The following GXYLT1 variants were observed in gnomAD, a reference collection of about 807,000 sequenced individuals.
GXYLT1 encodes the protein glycosyltransferase 8 domain containing 3.
Under a neutral mutation model 54.0 loss-of-function variants are expected in GXYLT1, and 29 were observed. The ratio of observed to expected loss-of-function variants is 0.54; its 90% CI spans 0.40 to 0.73. GXYLT1 has a LOEUF of 0.73. Among genes scored for constraint, GXYLT1 ranks in the 30% least tolerant of loss-of-function variants. The pLI is 0.00. For synonymous variants in GXYLT1, 176 were observed against 204.1 expected, an observed-to-expected ratio of 0.86 and a Z score of 1.17; for missense variants, 490 against 553.4, an observed-to-expected ratio of 0.89 and a Z score of 1.15.
At chr12:42,096,377 A>C (rs1281942293) in intron 7 of GXYLT1, among the ~76,000 whole-genome samples, 1 of 152,194 alleles carries the variant, frequency 6.6e-6, no homozygotes, top group African/African-American at 2.4e-5. Flanking sequence ...GTACTCAAAA[A>C]AAGTGATGAG....
intron 7 of GXYLT1, among the ~76,000 whole-genome samples, chr12:42,093,920 A>C (rs2065341929): frequency 6.6e-6 from 1 of 152,198 alleles, no homozygotes; most frequent in Admixed American, 6.5e-5. Context: ...TTCCTCACCC[A>C]ATACAAAAGA....
chr12:42,097,732 T>C, intron 6 of GXYLT1, 118 bp from the exon 7 acceptor site: 1 of 1,107,116 alleles, frequency 9.0e-7, no homozygotes, highest in Non-Finnish European at 1.3e-6. Flanking sequence ...ATGAAAAATG[T>C]CTGGCATTTA....
At chr12:42,122,050 T>C (rs1454285459) in intron 2 of GXYLT1, among the ~76,000 whole-genome samples, 3 of 152,198 alleles carry the variant, frequency 2.0e-5, no homozygotes, top group Non-Finnish European at 2.9e-5. Flanking sequence ...AATGGCGGAA[T>C]CTTGCCAGGG....
chr12:42,137,490 A>G (rs986136368), intron 1 of GXYLT1, among the ~76,000 whole-genome samples: 4 of 134,258 alleles, frequency 3.0e-5, no homozygotes, highest in African/African-American at 8.3e-5. Flanking sequence ...CCTGGGCGAC[A>G]GAGCATCTGT....
rs950197600 is a variant in GXYLT1 at position 42,132,700 on chromosome 12, A to G, written c.222-2849T>C. Among the ~76,000 whole-genome samples the G allele has an allele frequency of 2.0e-5, 3 of 152,310 alleles. No individual in the cohort carries two copies. The South Asian group carries it at 6.2e-4, about 32-fold the overall frequency. On this transcript the variant is annotated intron_variant, in intron 1 of 7. Coordinates refer to ENST00000398675, the MANE Select transcript of GXYLT1 (RefSeq NM_173601.2). ...CACCTCAAACTCCCTGTTCTCAGGA[A>G]ATATCCACCAGGGAGCTTCTAACTC... is the stretch of plus-strand genomic sequence containing the variant.
chr12:42,117,254 T>A (rs754393142), intron 3 of GXYLT1, among the ~76,000 whole-genome samples: 1 of 151,794 alleles, frequency 6.6e-6, no homozygotes, highest in African/African-American at 2.4e-5. Context: ...ATCATGCACA[T>A]GTACCCTAAA....
At chr12:42,100,549 T>A (rs1038707570) in intron 5 of GXYLT1, among the ~76,000 whole-genome samples, 39 of 151,442 alleles carry the variant, frequency 2.6e-4, no homozygotes, top group Non-Finnish European at 7.4e-5. Context: ...AAGGCCAGAA[T>A]TCATGAAAAA....
intron 1 of GXYLT1, among the ~76,000 whole-genome samples, chr12:42,136,223 CAA>C (rs1227016768): frequency 2.6e-5 from 4 of 152,138 alleles, no homozygotes; most frequent in African/African-American, 9.7e-5. Context: ...TTAGCAAAAG[CAA>C]CTCATCTGAA....
intron 3 of GXYLT1, among the ~76,000 whole-genome samples, chr12:42,116,438 A>G (rs1404794013): frequency 6.6e-6 from 1 of 152,226 alleles, no homozygotes; most frequent in Non-Finnish European, 1.5e-5. Flanking sequence ...TTTACAAGAA[A>G]AAAACAACCC....
rs1010950859 is a variant in GXYLT1 at position 42,084,795 on chromosome 12, T to C, written c.*2991A>G. The C allele has an allele frequency of 1.3e-5, 2 of 151,552 alleles. No individual in the cohort carries two copies. Among genetic ancestry groups the C allele is most frequent in the Non-Finnish European group, 1.5e-5 (1 of 67,830 alleles). The allele number at this position is 151,552 out of a possible 1,614,324, so 9.4% of individuals were successfully genotyped here. On this transcript the variant is annotated 3_prime_UTR_variant, in exon 8 of 8. Coordinates refer to ENST00000398675, the MANE Select transcript of GXYLT1 (RefSeq NM_173601.2). ...AACTACTCTTCATTAGAAAAAAGTA[T>C]GCATTTTCTTAAAGCATAAATCACA...
At chr12:42,097,815 A>T in intron 6 of GXYLT1, 95 bp downstream of exon 6, 1 of 1,074,108 alleles carries the variant, frequency 9.3e-7, no homozygotes, top group Non-Finnish European at 1.3e-6. Context: ...ATAATCATTA[A>T]TATAAGACAG....
intron 3 of GXYLT1, among the ~76,000 whole-genome samples, chr12:42,112,231 A>C (rs1409157148): frequency 6.6e-6 from 1 of 152,238 alleles, no homozygotes; most frequent in African/African-American, 2.4e-5. Context: ...TCTAAAAAGC[A>C]GAGTGCCTCT....
At chr12:42,091,044 A>C (rs1172497961) in intron 7 of GXYLT1, among the ~76,000 whole-genome samples, 1 of 152,228 alleles carries the variant, frequency 6.6e-6, no homozygotes, top group African/African-American at 2.4e-5. Context: ...ACTGCATTCC[A>C]TGGCTATGAC....
intron 2 of GXYLT1, among the ~76,000 whole-genome samples, chr12:42,127,148 G>C (rs897980647): frequency 1.1e-4 from 16 of 152,110 alleles, no homozygotes; most frequent in Non-Finnish European, 2.2e-4. Context: ...CATCAAAAGT[G>C]GTAGTAAAGG....
chr12:42,114,443 G>A (rs1258692948), intron 3 of GXYLT1, among the ~76,000 whole-genome samples: 2 of 152,026 alleles, frequency 1.3e-5, no homozygotes, highest in Non-Finnish European at 2.9e-5. Context: ...CATGATAAAG[G>A]GGATATCACC....
At chr12:42,117,830 T>G (rs1350947324) in intron 3 of GXYLT1, among the ~76,000 whole-genome samples, 2 of 152,204 alleles carry the variant, frequency 1.3e-5, no homozygotes, top group African/African-American at 4.8e-5. Flanking sequence ...GAGTATATAT[T>G]CCACTGTAAC....
At chr12:42,088,061 C>T (rs1021932028) in intron 7 of GXYLT1, 114 bp from the exon 8 acceptor site, 11 of 483,826 alleles carry the variant, frequency 2.3e-5, no homozygotes, top group South Asian at 7.7e-5. Context: ...CTCCATTTAA[C>T]GTCTCACAGA....
chr12:42,111,565 G>A (rs557645558), intron 3 of GXYLT1, among the ~76,000 whole-genome samples: 2 of 152,212 alleles, frequency 1.3e-5, no homozygotes, highest in African/African-American at 2.4e-5. Context: ...ACTGCAAGGC[G>A]ACAGCCAGGC....
In GXYLT1 at chr12:42,083,417, T is replaced by C. The variant is rs112601515; in HGVS notation, c.*4369A>G. The C allele has an allele frequency of 1.3e-5, 2 of 152,386 alleles. No individual in the cohort carries two copies. The highest frequency in any genetic ancestry group is 2.9e-5 in the Non-Finnish European group (2 of 68,032). The allele number at this position is 152,386 out of a possible 1,614,324, so 9.4% of individuals were successfully genotyped here. ...AAATGCAATAAGGCAATTATTGTTT[T>C]TAAGACACTTGAAATTGCATTTAAT... On this transcript the variant is annotated 3_prime_UTR_variant, in exon 8 of 8. Coordinates refer to ENST00000398675, the MANE Select transcript of GXYLT1 (RefSeq NM_173601.2).
Sources: allele counts gnomAD v4.1 joint callset (sites outside exome capture counted in the v4.1 genomes callset), GRCh38; gene constraint gnomAD v4.1.1; transcripts MANE v1.5; gene names NCBI Gene and HGNC (gene_info 2026-07-23, HGNC 2026-07-21).